Variants in TMCC1 observed in about 807,000 individuals in gnomAD.
The protein encoded by TMCC1 is transmembrane and coiled-coil domains protein 1.
TMCC1 carries 15 observed loss-of-function variants against 52.4 expected under a neutral mutation model. The observed-to-expected ratio is 0.29, with a 90% confidence interval of 0.19 to 0.44. The LOEUF is 0.44. Among genes scored for constraint, TMCC1 ranks in the 20% least tolerant of loss-of-function variants. TMCC1 has a pLI of 1.00. For missense variants in TMCC1, 503 were observed against 806.0 expected (o/e 0.62, Z 4.55); for synonymous variants, 279 against 301.9 (o/e 0.92, Z 0.79).
At chr3:129,785,436 T>C (rs559724854) in intron 4 of TMCC1, among the ~76,000 whole-genome samples, 2 of 152,248 alleles carry the variant, frequency 1.3e-5, no homozygotes, top group East Asian at 3.9e-4. Context: ...TTCATAAGGC[T>C]CAAACTCAAG....
At chr3:129,759,516 C>T (rs1040558410) in intron 4 of TMCC1, among the ~76,000 whole-genome samples, 1 of 151,172 alleles carries the variant, frequency 6.6e-6, no homozygotes, top group Non-Finnish European at 1.5e-5. Context: ...GATCCACCTA[C>T]CTGAGCCTCC....
At chr3:129,823,879 C>A (rs780567024) in intron 4 of TMCC1, among the ~76,000 whole-genome samples, 1 of 152,238 alleles carries the variant, frequency 6.6e-6, no homozygotes, top group East Asian at 1.9e-4. Context: ...GAAATTAGGT[C>A]ACATACTATA....
At chr3:129,892,593 G>A (rs914693795) in intron 1 of TMCC1, 9 of 151,982 alleles carry the variant, frequency 5.9e-5, no homozygotes, top group Non-Finnish European at 1.3e-4. Context: ...GATGCTTATG[G>A]TACAGGTACC....
At chr3:129,848,662 G>A (rs2059775438) in intron 2 of TMCC1, among the ~76,000 whole-genome samples, 1 of 152,144 alleles carries the variant, frequency 6.6e-6, no homozygotes, top group South Asian at 2.1e-4. Context: ...GAAAGTACAA[G>A]AAAATACACA....
intron 4 of TMCC1, among the ~76,000 whole-genome samples, chr3:129,783,017 G>T (rs2055664413): frequency 6.6e-6 from 1 of 152,062 alleles, no homozygotes; most frequent in African/African-American, 2.4e-5. Context: ...TGAGTAACAG[G>T]CAACGTGATT....
intron 4 of TMCC1, among the ~76,000 whole-genome samples, chr3:129,695,420 A>C (rs1169888448): frequency 1.3e-5 from 2 of 152,180 alleles, no homozygotes; most frequent in Non-Finnish European, 2.9e-5. Flanking sequence ...CATACCGAAG[A>C]CTGGGTAATT....
At chr3:129,893,342 G>C (rs999699376) in intron 1 of TMCC1, 152 bp downstream of exon 1, 4 of 152,486 alleles carry the variant, frequency 2.6e-5, no homozygotes, top group African/African-American at 7.2e-5. Flanking sequence ...GGCGACGGCA[G>C]GTCCCAGCCC....
chr3:129,842,515 T>C (rs983593852), intron 2 of TMCC1, among the ~76,000 whole-genome samples: 16 of 151,210 alleles, frequency 1.1e-4, no homozygotes, highest in African/African-American at 2.9e-4. Flanking sequence ...CGTAAGCAGA[T>C]AGATGTGACC....
At chr3:129,709,573 G>T (rs981461264) in intron 4 of TMCC1, among the ~76,000 whole-genome samples, 1 of 149,734 alleles carries the variant, frequency 6.7e-6, no homozygotes, top group Non-Finnish European at 1.5e-5. Flanking sequence ...TGATCCTGAG[G>T]TCCAAGTTTT....
At chr3:129,778,576 G>A (rs899937692) in intron 4 of TMCC1, among the ~76,000 whole-genome samples, 9 of 151,724 alleles carry the variant, frequency 5.9e-5, no homozygotes, top group African/African-American at 1.9e-4. Context: ...ATATGGTCTG[G>A]CTGTGTGTCC....
chr3:129,884,715 A>C (rs1258858944), intron 1 of TMCC1, among the ~76,000 whole-genome samples: 1 of 152,230 alleles, frequency 6.6e-6, no homozygotes. Flanking sequence ...CTACTACATA[A>C]ACAGTGGTTT....
chr3:129,710,343 G>A (rs958762132), intron 4 of TMCC1, among the ~76,000 whole-genome samples: 1 of 152,122 alleles, frequency 6.6e-6, no homozygotes, highest in African/African-American at 2.4e-5. Flanking sequence ...TTTTTGAGAT[G>A]GGGGAATAGG....
intron 2 of TMCC1, among the ~76,000 whole-genome samples, chr3:129,836,443 A>G (rs747185383): frequency 1.2e-4 from 18 of 152,236 alleles, no homozygotes; most frequent in Non-Finnish European, 1.5e-5. Context: ...AAAATTGACC[A>G]TATGTTGAAC....
intron 2 of TMCC1, among the ~76,000 whole-genome samples, chr3:129,844,126 T>C (rs2059553722): frequency 6.6e-6 from 1 of 152,114 alleles, no homozygotes; most frequent in Non-Finnish European, 1.5e-5. Flanking sequence ...GAAAACCATG[T>C]GATCATAACA....
At chr3:129,773,035 A>C (rs2054741101) in intron 4 of TMCC1, among the ~76,000 whole-genome samples, 1 of 152,222 alleles carries the variant, frequency 6.6e-6, no homozygotes, top group South Asian at 2.1e-4. Context: ...ACATACTGGC[A>C]AAGACTATAA....
chr3:129,673,924 GGTTC>G (rs1474959522), intron 4 of TMCC1, among the ~76,000 whole-genome samples: 3 of 152,086 alleles, frequency 2.0e-5, no homozygotes, highest in African/African-American at 7.2e-5. Context: ...ATACAACAGT[GGTTC>G]CATAAGACTA....
chr3:129,743,424 GA>G (rs1414351716), intron 4 of TMCC1, among the ~76,000 whole-genome samples: 1 of 152,162 alleles, frequency 6.6e-6, no homozygotes, highest in African/African-American at 2.4e-5. Flanking sequence ...TACTTTTGTA[GA>G]AAAGTGTCAT....
chr3:129,696,142 CT>C (rs2047404090), intron 4 of TMCC1, among the ~76,000 whole-genome samples: 1 of 152,176 alleles, frequency 6.6e-6, no homozygotes, highest in Non-Finnish European at 1.5e-5. Flanking sequence ...AGTCTAGCAC[CT>C]TTTAGAGGTC....
intron 2 of TMCC1, among the ~76,000 whole-genome samples, chr3:129,863,478 G>C (rs1005505230): frequency 6.6e-6 from 1 of 152,070 alleles, no homozygotes. Context: ...TGAATCCTGA[G>C]ATTCTACTGA....
Sources: allele counts gnomAD v4.1 joint callset (sites outside exome capture counted in the v4.1 genomes callset), GRCh38; gene constraint gnomAD v4.1.1; transcripts MANE v1.5; gene names NCBI Gene and HGNC (gene_info 2026-07-23, HGNC 2026-07-21).